The following TVP23C variants were observed in gnomAD, a reference collection of about 807,000 sequenced individuals.
TVP23C encodes trans-golgi network vesicle protein 23 homolog C.
In TVP23C, 19 loss-of-function variants were observed where a neutral mutation model predicts 28.7. The observed-to-expected ratio is 0.66, with a 90% CI of 0.46 to 0.97. The LOEUF (loss-of-function observed/expected upper bound fraction) is 0.97. TVP23C is among the 50% of genes least tolerant of loss of function. TVP23C has a pLI of 0.00. For missense variants in TVP23C, 186 were observed against 241.3 expected (o/e 0.77, Z 1.52); for synonymous variants, 68 against 81.7 (o/e 0.83, Z 0.90).
chr17:15,531,350 A>G (rs1165659675), intron 5 of TVP23C, among the ~76,000 whole-genome samples: 1 of 152,156 alleles, frequency 6.6e-6, no homozygotes, highest in Non-Finnish European at 1.5e-5. Flanking sequence ...ATTTCATTGA[A>G]TTTGGGAAGT....
intron 5 of TVP23C, among the ~76,000 whole-genome samples, chr17:15,543,685 T>C (rs560087560): frequency 6.6e-6 from 1 of 150,698 alleles, no homozygotes; most frequent in African/African-American, 2.4e-5. Context: ...CCTACTGTAT[T>C]TTTTACTGTT....
intron 5 of TVP23C, among the ~76,000 whole-genome samples, chr17:15,526,449 T>C (rs1212689412): frequency 6.6e-6 from 1 of 152,248 alleles, no homozygotes. Flanking sequence ...GCCAGACACA[T>C]AGCACTCATA....
chr17:15,526,422 T>C (rs1982730717), intron 5 of TVP23C, among the ~76,000 whole-genome samples: 1 of 152,184 alleles, frequency 6.6e-6, no homozygotes, highest in Admixed American at 6.5e-5. Context: ...AATGGCAGGG[T>C]TTGCCGAGAT....
intron 5 of TVP23C, among the ~76,000 whole-genome samples, chr17:15,510,386 T>A (rs1054442841): frequency 6.6e-6 from 1 of 152,054 alleles, no homozygotes; most frequent in African/African-American, 2.4e-5. Context: ...CATGAGAAAA[T>A]GTTCACCATC....
intron 5 of TVP23C, among the ~76,000 whole-genome samples, chr17:15,526,560 C>T (rs922920768): frequency 2.7e-4 from 41 of 152,188 alleles, no homozygotes; most frequent in Admixed American, 5.9e-4. Context: ...TCTATTCATT[C>T]CCTGGCACTG....
At chr17:15,508,563 TA>T (rs1981869162) in intron 5 of TVP23C, among the ~76,000 whole-genome samples, 1 of 152,166 alleles carries the variant, frequency 6.6e-6, no homozygotes, top group Non-Finnish European at 1.5e-5. Flanking sequence ...GCTCTTCCCT[TA>T]GGACTCACAT....
rs184549055 is a variant in TVP23C, at chr17:15,524,305, T to G, written c.463-21073A>C. ...TACCATTTTGCCTCCCCCTACTCCC[T>G]ACTCCAAATATGAGTTTTTCCTGTT... On this transcript the variant is annotated intron_variant, in intron 5 of 5. Coordinates refer to the TVP23C transcript ENST00000225576. Among the ~76,000 whole-genome samples, 59 of 152,316 alleles carry G rather than the reference T, an allele frequency of 3.9e-4. 1 individual carries two copies. Among genetic ancestry groups the G allele is most frequent in the Admixed American group, 3.5e-3 (53 of 15,302 alleles).
intron 5 of TVP23C, 117 bp downstream of exon 5, chr17:15,545,668 G>A: frequency 7.2e-7 from 1 of 1,397,446 alleles, no homozygotes; most frequent in Non-Finnish European, 9.4e-7. Flanking sequence ...ATTACATGAT[G>A]AAGCTGCCTA....
intron 1 of TVP23C, among the ~76,000 whole-genome samples, chr17:15,558,597 T>C (rs1984236822): frequency 6.8e-6 from 1 of 147,866 alleles, no homozygotes; most frequent in African/African-American, 2.5e-5. Context: ...TGAGAGAAGG[T>C]GATGAAACAA....
chr17:15,537,052 C>T lies in TVP23C; in HGVS notation c.*3360G>A, dbSNP rs1472475845. 1.1e-5 allele frequency: 2 copies of T among 178,462 alleles called. No homozygotes were observed. The highest frequency in any genetic ancestry group is 5.0e-5 in the African/African-American group (2 of 39,728). The allele number at this position is 178,462 out of a possible 1,614,324, so 11.1% of individuals were successfully genotyped here. ...TCAAAGCTATCACTCCAATAAGACA[C>T]TTATTCAATTAAACAAATAATCTTA... On this transcript the variant is annotated 3_prime_UTR_variant, in exon 6 of 6. Coordinates refer to ENST00000518321, the MANE Select transcript of TVP23C (RefSeq NM_001135036.2).
intron 2 of TVP23C, among the ~76,000 whole-genome samples, chr17:15,554,137 A>G (rs1271783025): frequency 6.6e-6 from 1 of 152,220 alleles, no homozygotes. Flanking sequence ...ACCGTATCTT[A>G]GAATTTGAAT....
Position 15,553,822 on chromosome 17 carries a change from C to T in TVP23C, c.103G>A (p.Val35Ile). The T allele has an allele frequency of 6.2e-7, 1 of 1,613,786 alleles. No homozygotes were observed. The highest frequency in any genetic ancestry group is 1.1e-5 in the South Asian group (1 of 91,038). Reference sequence around the variant, plus strand: ...AAGAATAAGTGGAAAAACGATGCTACTGGATGTCTGAAAACCAAAACACAA... The same window carrying T: ...AAGAATAAGTGGAAAAACGATGCTATTGGATGTCTGAAAACCAAAACACAA... ...RPRKAKIRHP[V>I]ASFFHLFFRV... Residue 35 changes from valine to isoleucine, a missense_variant, in exon 3 of 6, where the codon GTA becomes ATA. Val to Ile is a conservative substitution (Grantham distance 29, BLOSUM62 3). This residue lies in a region of TVP23C where 92 missense variants were observed against 94.3 expected (regional missense o/e 0.98). Coordinates refer to ENST00000518321, the MANE Select transcript of TVP23C (RefSeq NM_001135036.2).
intron 3 of TVP23C, among the ~76,000 whole-genome samples, chr17:15,550,127 A>G (rs1389129495): frequency 6.6e-6 from 1 of 151,878 alleles, no homozygotes; most frequent in Non-Finnish European, 1.5e-5. Context: ...GTAGTCCATT[A>G]TTTTCCCTCT....
At chr17:15,516,217 G>T (rs746754324) in intron 5 of TVP23C, among the ~76,000 whole-genome samples, 10 of 152,216 alleles carry the variant, frequency 6.6e-5, no homozygotes, top group Admixed American at 1.3e-4. Context: ...GAGGCCAAAG[G>T]CCACCTGCCG....
intron 5 of TVP23C, chr17:15,516,472 T>A (rs1982231703): frequency 6.6e-6 from 1 of 152,310 alleles, no homozygotes; most frequent in Non-Finnish European, 1.5e-5. Context: ...TGGTTTCCTC[T>A]AAGGCCTCTC....
chr17:15,529,464 T>A (rs1982865457), intron 5 of TVP23C, among the ~76,000 whole-genome samples: 1 of 151,930 alleles, frequency 6.6e-6, no homozygotes, highest in African/African-American at 2.4e-5. Context: ...AAAAAAAAAG[T>A]AACTTAATTG....
At chr17:15,546,256 G>A (rs1343217080) in intron 4 of TVP23C, among the ~76,000 whole-genome samples, 2 of 151,948 alleles carry the variant, frequency 1.3e-5, no homozygotes, top group Non-Finnish European at 2.9e-5. Flanking sequence ...AATGATCAAG[G>A]AAATCACAGT....
chr17:15,511,053 C>CAA (rs58794054), intron 5 of TVP23C, among the ~76,000 whole-genome samples: 1,009 of 82,408 alleles, frequency 0.012, 23 homozygotes, highest in African/African-American at 0.024. Flanking sequence ...GACTTCGTCT[C>CAA]AAAAAAAAAA....
intron 5 of TVP23C, among the ~76,000 whole-genome samples, chr17:15,513,915 T>C (rs371084302): frequency 2.0e-5 from 3 of 152,248 alleles, no homozygotes; most frequent in East Asian, 1.9e-4. Flanking sequence ...AAGCTGGATG[T>C]AGAAAGTGCT....
Sources: gnomAD v4.1 joint callset for allele counts (sites outside exome capture counted in the v4.1 genomes callset) on GRCh38, gnomAD v4.1.1 for gene constraint, gnomAD v4.1.1 regional missense constraint, MANE v1.5 for transcripts, NCBI Gene and HGNC (gene_info 2026-07-23, HGNC 2026-07-21) for gene names.